Variants in CFHR4 observed in about 807,000 individuals in gnomAD.
CFHR4 encodes complement factor H-related protein 4.
In CFHR4, 64 loss-of-function variants were observed where a neutral mutation model predicts 69.3. The ratio of observed to expected loss-of-function variants is 0.92; its 90% CI spans 0.76 to 1.14. The LOEUF is 1.14. Ranked by LOEUF, CFHR4 falls within the 50% of genes most tolerant of loss-of-function variation. CFHR4 has a pLI of 0.00. For synonymous variants in CFHR4, 244 were observed against 237.0 expected (o/e 1.03, Z -0.27); for missense variants, 636 against 684.9 (o/e 0.93, Z 0.80).
At chr1:196,895,215 A>C (rs1657231832) in intron 1 of CFHR4, among the ~76,000 whole-genome samples, 1 of 151,594 alleles carries the variant, frequency 6.6e-6, no homozygotes, top group Non-Finnish European at 1.5e-5. Context: ...CCTGGGTGAC[A>C]GAGCAAGACC....
At position 196,888,199 on chromosome 1, in the gene CFHR4, A is replaced by T; in HGVS notation, c.49A>T (p.Asn17Tyr). Residue 17 changes from asparagine to tyrosine, a missense_variant, in exon 1 of 10, where the codon AAT (asparagine) becomes TAT (tyrosine). Around this residue, in one of 3 missense-constraint regions of CFHR4, gnomAD observed 529 missense variants for 533.2 expected, o/e 0.99. Coordinates refer to ENST00000608469, the MANE Select transcript of CFHR4 (RefSeq NM_001201550.3). Reference protein sequence around the residue: ...VILTLWVSCANGQEVKPCDFP... With the variant: ...VILTLWVSCAYGQEVKPCDFP... ...TCTGACCTTGTGGGTTTCCTGTGCT[A>T]ATGGACAAGGTAAGTTGAAAGAGAT... 6.2e-7 allele frequency: 1 copy of T among 1,611,162 alleles called. No individual in the cohort carries two copies. Among genetic ancestry groups the T allele is most frequent in the Non-Finnish European group, 8.5e-7 (1 of 1,178,580 alleles).
intron 1 of CFHR4, among the ~76,000 whole-genome samples, chr1:196,896,719 T>G (rs1334118921): frequency 6.6e-6 from 1 of 151,352 alleles, no homozygotes; most frequent in Non-Finnish European, 1.5e-5. Flanking sequence ...CCCTAGAAGT[T>G]GTAGGGCTTC....
intron 6 of CFHR4, among the ~76,000 whole-genome samples, chr1:196,911,291 A>G (rs1225247635): frequency 1.3e-5 from 2 of 151,628 alleles, no homozygotes; most frequent in Non-Finnish European, 2.9e-5. Flanking sequence ...TTAGTAGTCA[A>G]GTAACAATAG....
Position 196,915,410 on chromosome 1 carries a change from G to A in CFHR4, c.1540+272G>A, listed in dbSNP as rs1400340894. On this transcript the variant is annotated intron_variant, in intron 9 of 9. Transcript: ENST00000608469. Reference sequence around the variant, plus strand: ...CCCAGCACTTTGGAAGGCCGAGGCAGGCAGATCACGAGGTCAGGAGTTCGA... The same window carrying A: ...CCCAGCACTTTGGAAGGCCGAGGCAAGCAGATCACGAGGTCAGGAGTTCGA... 1.3e-5 allele frequency among the ~76,000 whole-genome samples: 2 copies of A among 151,416 alleles called. 1 individual carries two copies. Among genetic ancestry groups the A allele is most frequent in the African/African-American group, 4.9e-5 (2 of 41,022 alleles).
At chr1:196,903,833 C>T (rs375318943) in intron 2 of CFHR4, among the ~76,000 whole-genome samples, 26 of 151,370 alleles carry the variant, frequency 1.7e-4, no homozygotes, top group African/African-American at 6.1e-4. Flanking sequence ...ACAATGCTTG[C>T]CCAAAGGTCA....
At chr1:196,907,060 T>C in intron 4 of CFHR4, 23 bp downstream of exon 4, 1 of 1,578,172 alleles carries the variant, frequency 6.3e-7, no homozygotes, top group Non-Finnish European at 8.6e-7. Flanking sequence ...TTCAAGTATT[T>C]CTTTTTACTA....
intron 1 of CFHR4, among the ~76,000 whole-genome samples, chr1:196,900,855 G>A (rs998014121): frequency 3.3e-5 from 5 of 151,048 alleles, no homozygotes; most frequent in Non-Finnish European, 5.9e-5. Context: ...AAAATGGGGG[G>A]CAAAATCTAT....
At chr1:196,911,711 T>C (rs1215204750) in intron 6 of CFHR4, among the ~76,000 whole-genome samples, 1 of 151,544 alleles carries the variant, frequency 6.6e-6, no homozygotes, top group Non-Finnish European at 1.5e-5. Context: ...TCCTCAACAA[T>C]AGGCCTAAGC....
chr1:196,907,498 TG>T lies in CFHR4; in HGVS notation c.799+1del. 6.2e-7 allele frequency: 1 copy of T among 1,604,866 alleles called. No individual in the cohort carries two copies. The highest frequency in any genetic ancestry group is 8.5e-7 in the Non-Finnish European group (1 of 1,174,280). On this transcript the variant is annotated splice_donor_variant, in intron 5 of 9. Transcript: ENST00000608469. LOFTEE classifies it high-confidence loss of function. Reference sequence around the variant, plus strand: ...CTGGTCAGAACCACCAAGATGCATATGTAAGTTCTTAATATTCTGGATCTGA... The same window carrying T: ...CTGGTCAGAACCACCAAGATGCATATTAAGTTCTTAATATTCTGGATCTGA...
chr1:196,910,340 C>G lies in CFHR4; in HGVS notation c.859C>G (p.Arg287Gly). 1 of 1,611,830 alleles carries G rather than the reference C, an allele frequency of 6.2e-7. No individual in the cohort carries two copies. Among genetic ancestry groups the G allele is most frequent in the Non-Finnish European group, 8.5e-7 (1 of 1,179,068 alleles). Residue 287 changes from arginine to glycine, a missense_variant, in exon 6 of 10, where the codon CGT becomes GGT. Arg to Gly is a moderately radical substitution (Grantham distance 125). Around this residue, in one of 3 missense-constraint regions of CFHR4, gnomAD observed 529 missense variants for 533.2 expected, o/e 0.99. Coordinates refer to ENST00000608469, the MANE Select transcript of CFHR4 (RefSeq NM_001201550.3). ...QHGHLYYENT[R>G]RPYFPVATGQ... ...TGGACATCTATATTATGAGAATACGCGTAGACCATACTTTCCAGTAGCTAC... is the reference window on the plus strand; with the variant it reads ...TGGACATCTATATTATGAGAATACGGGTAGACCATACTTTCCAGTAGCTAC...
rs1479664349 is a variant in CFHR4 at position 196,918,190 on chromosome 1, G to C, written c.1541-20G>C. The C allele has an allele frequency of 1.3e-6, 2 of 1,596,072 alleles. No individual in the cohort carries two copies. Reference sequence around the variant, plus strand: ...AAAGGCAAGATTATGATTGTTAATTGTTTCTTTTTCTGCTTTCAGATCCAT... The same window carrying C: ...AAAGGCAAGATTATGATTGTTAATTCTTTCTTTTTCTGCTTTCAGATCCAT... On this transcript the variant is annotated intron_variant, in intron 9 of 9. Coordinates refer to ENST00000608469, the MANE Select transcript of CFHR4 (RefSeq NM_001201550.3).
intron 1 of CFHR4, among the ~76,000 whole-genome samples, chr1:196,902,048 G>A (rs1657642660): frequency 6.6e-6 from 1 of 151,442 alleles, no homozygotes; most frequent in African/African-American, 2.4e-5. Context: ...CCACTCTAGA[G>A]TTGGTCTGAG....
intron 1 of CFHR4, among the ~76,000 whole-genome samples, chr1:196,895,646 C>T (rs903639440): frequency 5.3e-5 from 8 of 151,188 alleles, no homozygotes; most frequent in Non-Finnish European, 1.0e-4. Flanking sequence ...ATTCATATTT[C>T]CATTTTGATC....
At chr1:196,909,017 G>A (rs1027327452) in intron 5 of CFHR4, among the ~76,000 whole-genome samples, 1 of 151,454 alleles carries the variant, frequency 6.6e-6, no homozygotes, top group African/African-American at 2.4e-5. Flanking sequence ...TCCAAACCAT[G>A]CAAGTGGCAA....
chr1:196,903,509 C>T (rs1473242569), intron 2 of CFHR4, among the ~76,000 whole-genome samples: 2 of 150,758 alleles, frequency 1.3e-5, no homozygotes, highest in South Asian at 4.2e-4. Flanking sequence ...AAAAATTAGC[C>T]GTGTGCAGTG....
intron 1 of CFHR4, among the ~76,000 whole-genome samples, chr1:196,898,379 G>A (rs1345281700): frequency 6.6e-6 from 1 of 151,482 alleles, no homozygotes; most frequent in Admixed American, 6.6e-5. Flanking sequence ...ACAAAAAAAG[G>A]GGAGACAATA....
intron 1 of CFHR4, among the ~76,000 whole-genome samples, chr1:196,888,485 A>G (rs954270644): frequency 6.6e-6 from 1 of 151,324 alleles, no homozygotes; most frequent in Non-Finnish European, 1.5e-5. Context: ...ATATACTCAT[A>G]AAACTTTAAG....
At position 196,888,123 on chromosome 1, in the gene CFHR4, C is replaced by T. The variant is rs1400739040; in HGVS notation, c.-28C>T. ...CCAAACAGTGCAACTGAAACTTTTG[C>T]ATTACTATACTACTGAGAATATCTA... On this transcript the variant is annotated 5_prime_UTR_variant, in exon 1 of 10. Transcript: ENST00000608469. 1.2e-6 allele frequency: 2 copies of T among 1,604,840 alleles called. No homozygotes were observed. Among genetic ancestry groups the T allele is most frequent in the African/African-American group, 1.4e-5 (1 of 73,820 alleles).
At chr1:196,906,829 G>T in intron 3 of CFHR4, 32 bp from the exon 4 acceptor site, 1 of 1,589,900 alleles carries the variant, frequency 6.3e-7, no homozygotes. Flanking sequence ...ATATGGCATA[G>T]AAAAGCAATC....
Sources: allele counts gnomAD v4.1 joint callset (sites outside exome capture counted in the v4.1 genomes callset), GRCh38; gene constraint gnomAD v4.1.1; regional missense constraint gnomAD v4.1.1; transcripts MANE v1.5; gene names NCBI Gene and HGNC (gene_info 2026-07-23, HGNC 2026-07-21).